Variants in CLYBL observed in about 807,000 individuals in gnomAD.
The protein encoded by CLYBL is citramalyl-CoA lyase, also known as citramalyl-CoA lyase, mitochondrial.
In CLYBL, 31 loss-of-function variants were observed where a neutral mutation model predicts 38.9. The observed-to-expected ratio is 0.80, with a 90% confidence interval of 0.60 to 1.08. The LOEUF is 1.08. Among genes scored for constraint, CLYBL ranks in the 50% least tolerant of loss-of-function variants. The probability of loss-of-function intolerance (pLI) is 0.00; values close to 1 mark genes in which losing one functional copy is unlikely to be tolerated. For missense variants in CLYBL, 434 were observed against 411.6 expected (o/e 1.05, Z -0.47); for synonymous variants, 171 against 158.6 (o/e 1.08, Z -0.59).
chr13:99,814,632 A>T (rs2050406448), intron 2 of CLYBL, among the ~76,000 whole-genome samples: 2 of 151,742 alleles, frequency 1.3e-5, no homozygotes, highest in Admixed American at 1.3e-4. Context: ...GGAGGCTGAG[A>T]CAGGAGGACT....
intron 1 of CLYBL, among the ~76,000 whole-genome samples, chr13:99,769,733 A>G (rs1332766360): frequency 6.6e-6 from 1 of 152,188 alleles, no homozygotes; most frequent in African/African-American, 2.4e-5. Flanking sequence ...CTATCTCACC[A>G]TACCTCACAT....
At chr13:99,854,186 A>G (rs1054121344) in intron 2 of CLYBL, among the ~76,000 whole-genome samples, 1 of 152,022 alleles carries the variant, frequency 6.6e-6, no homozygotes, top group Admixed American at 6.6e-5. Context: ...TTCCTGTTGC[A>G]CCCAGGGCTG....
intron 1 of CLYBL, among the ~76,000 whole-genome samples, chr13:99,696,646 G>C (rs2047983808): frequency 6.7e-6 from 1 of 148,546 alleles, no homozygotes; most frequent in South Asian, 2.1e-4. Flanking sequence ...GGGAAAGAAG[G>C]AAAAAAAAAA....
At chr13:99,838,029 CTG>C (rs1316268675) in intron 2 of CLYBL, among the ~76,000 whole-genome samples, 7 of 152,132 alleles carry the variant, frequency 4.6e-5, no homozygotes, top group African/African-American at 1.7e-4. Context: ...GCTTTTATAT[CTG>C]TGAATGCTTC....
intron 6 of CLYBL, among the ~76,000 whole-genome samples, chr13:99,870,468 C>CAA (rs759004875): frequency 0.029 from 4,464 of 152,204 alleles, no homozygotes; most frequent in Non-Finnish European, 0.045. Flanking sequence ...AACCAGCAGA[C>CAA]CATTTCTAAG....
chr13:99,889,755 A>G (rs1299064405), intron 7 of CLYBL, among the ~76,000 whole-genome samples: 1 of 152,126 alleles, frequency 6.6e-6, no homozygotes, highest in African/African-American at 2.4e-5. Flanking sequence ...CTTTACCTCC[A>G]TCCTATGTAT....
chr13:99,727,031 C>T (rs764936374), intron 1 of CLYBL, among the ~76,000 whole-genome samples: 2 of 152,002 alleles, frequency 1.3e-5, no homozygotes, highest in East Asian at 1.9e-4. Context: ...TGGTGTCACA[C>T]GCCTGAAATC....
chr13:99,684,191 T>C (rs1386121415), intron 1 of CLYBL, among the ~76,000 whole-genome samples: 1 of 146,782 alleles, frequency 6.8e-6, no homozygotes, highest in African/African-American at 2.5e-5. Context: ...GTTTGATTTT[T>C]TTTTTTTTTT....
At chr13:99,808,724 G>A (rs1401849334) in intron 2 of CLYBL, among the ~76,000 whole-genome samples, 1 of 152,202 alleles carries the variant, frequency 6.6e-6, no homozygotes, top group African/African-American at 2.4e-5. Context: ...AACATTGGAG[G>A]TGGAGGACAA....
At chr13:99,781,690 C>G (rs1466227525) in intron 2 of CLYBL, among the ~76,000 whole-genome samples, 1 of 151,786 alleles carries the variant, frequency 6.6e-6, no homozygotes, top group African/African-American at 2.4e-5. Context: ...GTTGGCCAGG[C>G]TGATCTTGAA....
At chr13:99,829,864 G>A (rs1416273869) in intron 2 of CLYBL, among the ~76,000 whole-genome samples, 5 of 152,180 alleles carry the variant, frequency 3.3e-5, no homozygotes, top group Admixed American at 3.3e-4. Context: ...TGAGAGCGGA[G>A]AGCCTGTCTG....
At chr13:99,655,791 C>T (rs1372851838) in intron 1 of CLYBL, among the ~76,000 whole-genome samples, 3 of 152,184 alleles carry the variant, frequency 2.0e-5, no homozygotes, top group African/African-American at 2.4e-5. Context: ...GCTCCACCTA[C>T]GTCACATTGG....
At chr13:99,890,691 C>T (rs955741163) in intron 7 of CLYBL, among the ~76,000 whole-genome samples, 2 of 152,158 alleles carry the variant, frequency 1.3e-5, no homozygotes, top group Non-Finnish European at 2.9e-5. Flanking sequence ...TGGTCTTGAA[C>T]TCCTGACTTC....
chr13:99,713,140 A>T (rs928244095), intron 1 of CLYBL, among the ~76,000 whole-genome samples: 1 of 151,576 alleles, frequency 6.6e-6, no homozygotes, highest in Non-Finnish European at 1.5e-5. Context: ...TTTTTCTGTA[A>T]ATTTTTTTCT....
intron 1 of CLYBL, among the ~76,000 whole-genome samples, chr13:99,636,598 A>G (rs1306796791): frequency 6.6e-6 from 1 of 152,184 alleles, no homozygotes; most frequent in East Asian, 1.9e-4. Flanking sequence ...AGTATCAGCC[A>G]CTACATTCCT....
chr13:99,611,121 G>A (rs568505158), intron 1 of CLYBL, among the ~76,000 whole-genome samples: 101 of 152,278 alleles, frequency 6.6e-4, no homozygotes, highest in Non-Finnish European at 1.1e-3. Context: ...CACAGAGCTG[G>A]GGAAGAGGGA....
intron 1 of CLYBL, among the ~76,000 whole-genome samples, chr13:99,652,241 C>T (rs1160529130): frequency 6.6e-6 from 1 of 152,156 alleles, no homozygotes; most frequent in Non-Finnish European, 1.5e-5. Flanking sequence ...ACACTGTCAG[C>T]TGTGGGTAGG....
At chr13:99,738,043 A>C (rs2048695148) in intron 1 of CLYBL, among the ~76,000 whole-genome samples, 1 of 152,208 alleles carries the variant, frequency 6.6e-6, no homozygotes, top group Non-Finnish European at 1.5e-5. Context: ...TGCCTCCGGG[A>C]CATTTTAAAT....
chr13:99,712,330 A>ATT (rs2048246934), intron 1 of CLYBL, among the ~76,000 whole-genome samples: 1 of 125,482 alleles, frequency 8.0e-6, no homozygotes, highest in South Asian at 2.8e-4. Flanking sequence ...TTAGCAATTG[A>ATT]CTTTTTTTTT....
Sources: allele counts gnomAD v4.1 joint callset (sites outside exome capture counted in the v4.1 genomes callset), GRCh38; gene constraint gnomAD v4.1.1; transcripts MANE v1.5; gene names NCBI Gene and HGNC (gene_info 2026-07-23, HGNC 2026-07-21).